CTCF: variants seen among roughly 807,000 people sequenced by gnomAD.
CTCF encodes transcriptional repressor CTCF.
Under a neutral mutation model 72.3 loss-of-function variants are expected in CTCF, and 7 were observed. The ratio of observed to expected loss-of-function variants is 0.10; its 90% CI spans 0.06 to 0.18. The LOEUF (loss-of-function observed/expected upper bound fraction) is 0.18, where lower values mean the gene tolerates loss of function less well. Among genes scored for constraint, CTCF ranks in the 10% least tolerant of loss-of-function variants. The probability of loss-of-function intolerance (pLI) is 1.00; values close to 1 mark genes in which losing one functional copy is unlikely to be tolerated. For synonymous variants in CTCF, 374 were observed against 315.8 expected (o/e 1.18, Z -1.95); for missense variants, 516 against 949.1 (o/e 0.54, Z 6.00).
At chr16:67,612,493 G>T (rs146598431) in intron 4 of CTCF, 4,945 of 161,740 alleles carry the variant, frequency 0.031, 98 homozygotes, top group Middle Eastern at 0.12. Flanking sequence ...GGGAGGCTGA[G>T]GCAGGAGAAT....
intron 2 of CTCF, among the ~76,000 whole-genome samples, chr16:67,581,089 C>T (rs1343082145): frequency 6.6e-6 from 1 of 151,724 alleles, no homozygotes; most frequent in Admixed American, 6.6e-5. Flanking sequence ...CCACCGCACC[C>T]AGCTAATTTT....
intron 2 of CTCF, among the ~76,000 whole-genome samples, chr16:67,581,328 CTT>C (rs35180089): frequency 9.3e-5 from 13 of 139,822 alleles, no homozygotes; most frequent in South Asian, 2.3e-4. Flanking sequence ...TGATCTTTTT[CTT>C]TTTTTTTTTT....
At chr16:67,576,822 G>C (rs1381481291) in intron 2 of CTCF, among the ~76,000 whole-genome samples, 1 of 152,106 alleles carries the variant, frequency 6.6e-6, no homozygotes, top group Non-Finnish European at 1.5e-5. Context: ...GAGCCACCGT[G>C]CCTGGCCTTA....
intron 4 of CTCF, among the ~76,000 whole-genome samples, chr16:67,613,261 C>T (rs1030613436): frequency 3.3e-5 from 5 of 152,178 alleles, no homozygotes; most frequent in African/African-American, 1.2e-4. Context: ...CATATGACAA[C>T]TCTTGTTTTT....
chr16:67,597,400 C>T (rs530097189), intron 2 of CTCF, among the ~76,000 whole-genome samples: 61 of 152,056 alleles, frequency 4.0e-4, no homozygotes, highest in Middle Eastern at 6.8e-3. Context: ...AGTGCAGTGG[C>T]GTGATCTTGA....
At chr16:67,608,511 A>C (rs992030755) in intron 2 of CTCF, among the ~76,000 whole-genome samples, 19 of 152,100 alleles carry the variant, frequency 1.2e-4, no homozygotes, top group African/African-American at 4.6e-4. Flanking sequence ...TTCAAAAAAC[A>C]AGGTCAAAAA....
At chr16:67,583,238 T>TC (rs1352019829) in intron 2 of CTCF, among the ~76,000 whole-genome samples, 1 of 151,886 alleles carries the variant, frequency 6.6e-6, no homozygotes, top group Non-Finnish European at 1.5e-5. Flanking sequence ...CCTCCAGCCT[T>TC]GGCCTCTCAA....
chr16:67,631,150 G>GTTTGTTTTTTTTTTGTTT, intron 10 of CTCF, among the ~76,000 whole-genome samples: 1 of 132,534 alleles, frequency 7.5e-6, no homozygotes, highest in South Asian at 2.4e-4. Context: ...TTTGTTCTTT[G>GTTTGTTTTTTTTTTGTTT]TTTGTTTTTT....
chr16:67,572,953 C>G (rs1416855894), intron 2 of CTCF, among the ~76,000 whole-genome samples: 1 of 131,206 alleles, frequency 7.6e-6, no homozygotes, highest in African/African-American at 2.9e-5. Context: ...CCCCGCCCCC[C>G]CCCCCAAAAC....
At chr16:67,583,895 C>T (rs750748792) in intron 2 of CTCF, among the ~76,000 whole-genome samples, 7 of 152,108 alleles carry the variant, frequency 4.6e-5, no homozygotes, top group Non-Finnish European at 8.8e-5. Context: ...ATTTCTTGGA[C>T]TGCAGATGTA....
chr16:67,566,364 C>T (rs1043646655), intron 1 of CTCF, among the ~76,000 whole-genome samples: 1 of 151,066 alleles, frequency 6.6e-6, no homozygotes, highest in African/African-American at 2.4e-5. Context: ...ATTAGCTGAG[C>T]GTGGTGGCAT....
At position 67,637,778 on chromosome 16, in the gene CTCF, CAGAGGG is replaced by C. The variant is rs1169489680; in HGVS notation, c.2096_2101del (p.Gly699_Glu700del). The C allele has an allele frequency of 1.2e-6, 2 of 1,613,362 alleles. No homozygotes were observed. Among genetic ancestry groups the C allele is most frequent in the Admixed American group, 1.7e-5 (1 of 60,008 alleles). Reference sequence around the variant, plus strand: ...AAAAAAGAGCCAGATGCTGAGCCCGCAGAGGGAGAGGAAGAGGAGGCCCAGCCAGCT... The same window carrying C: ...AAAAAAGAGCCAGATGCTGAGCCCGCAGAGGAAGAGGAGGCCCAGCCAGCT... On this transcript the variant is annotated inframe_deletion, in exon 12 of 12. Transcript: ENST00000264010.
intron 10 of CTCF, among the ~76,000 whole-genome samples, chr16:67,634,803 A>T (rs1392213288): frequency 4.0e-5 from 6 of 151,238 alleles, no homozygotes; most frequent in Admixed American, 3.3e-4. Flanking sequence ...TCTCGGGTTC[A>T]AGCAATTCTT....
At position 67,629,542 on chromosome 16, in the gene CTCF, C is replaced by G. The variant is rs1282365427; in HGVS notation, c.1837+9C>G. 1 of 1,612,072 alleles carries G rather than the reference C, an allele frequency of 6.2e-7. No individual in the cohort carries two copies. The highest frequency in any genetic ancestry group is 1.3e-5 in the African/African-American group (1 of 74,820). ...AGATTCCTCTGACAGTGGTAAGTGA[C>G]TTGTTCCTTGATTTGCTTACTATGG... On this transcript the variant is annotated intron_variant, in intron 10 of 11. Transcript: ENST00000264010.
chr16:67,602,882 G>C (rs967806312), intron 2 of CTCF, among the ~76,000 whole-genome samples: 1 of 151,564 alleles, frequency 6.6e-6, no homozygotes, highest in Non-Finnish European at 1.5e-5. Flanking sequence ...TCTTAATGGG[G>C]AAACAGTAAT....
chr16:67,638,091 A>C lies in CTCF; in HGVS notation c.*219A>C. The stretch of plus-strand genomic sequence containing the variant: ...AATCATGGAATGTTCTGAGTCCCTG[A>C]GGGTTTACTGTGAAGTGCTGAGGAC... On this transcript the variant is annotated 3_prime_UTR_variant, in exon 12 of 12. Coordinates refer to ENST00000264010, the MANE Select transcript of CTCF (RefSeq NM_006565.4). 1.9e-6 allele frequency: 1 copy of C among 535,902 alleles called. No homozygotes were observed. Among genetic ancestry groups the C allele is most frequent in the East Asian group, 2.9e-5 (1 of 34,474 alleles). 33.2% of individuals were successfully genotyped at this position (535,902 alleles called of 1,614,324 possible).
At chr16:67,623,526 T>TGGTG (rs2052232921) in intron 7 of CTCF, 1 of 151,722 alleles carries the variant, frequency 6.6e-6, no homozygotes, top group Non-Finnish European at 1.5e-5. Context: ...TTCCAGCTAC[T>TGGTG]CAGGAGGCTG....
intron 2 of CTCF, among the ~76,000 whole-genome samples, chr16:67,579,314 C>T (rs973007461): frequency 2.0e-5 from 3 of 151,600 alleles, no homozygotes; most frequent in South Asian, 4.1e-4. Flanking sequence ...TTACTATACA[C>T]GTTGTTCTAG....
intron 2 of CTCF, among the ~76,000 whole-genome samples, chr16:67,597,493 T>C (rs1204377172): frequency 6.6e-6 from 1 of 152,072 alleles, no homozygotes; most frequent in South Asian, 2.1e-4. Flanking sequence ...TGCCCGCCAC[T>C]AAGCACAGTT....
Sources: gnomAD v4.1 joint callset for allele counts (sites outside exome capture counted in the v4.1 genomes callset) on GRCh38, gnomAD v4.1.1 for gene constraint, MANE v1.5 for transcripts, NCBI Gene and HGNC (gene_info 2026-07-23, HGNC 2026-07-21) for gene names.